Variants in AASDH observed in about 807,000 individuals in gnomAD.
AASDH encodes aminoadipate-semialdehyde dehydrogenase.
A neutral mutation model predicts 102.3 loss-of-function variants in AASDH; 81 were observed. The ratio of observed to expected loss-of-function variants is 0.79; its 90% CI spans 0.66 to 0.95. The LOEUF (loss-of-function observed/expected upper bound fraction) is 0.95. AASDH is among the 40% of genes least tolerant of loss of function. AASDH has a pLI of 0.00. For missense variants in AASDH, 1,203 were observed against 1,266.2 expected, an observed-to-expected ratio of 0.95 and a Z score of 0.76; for synonymous variants, 398 against 454.0, an observed-to-expected ratio of 0.88 and a Z score of 1.57.
chr4:56,378,138 T>C lies in AASDH; in HGVS notation c.668+10A>G, dbSNP rs749272042. 2.5e-6 allele frequency: 4 copies of C among 1,591,368 alleles called. No homozygotes were observed. The highest frequency in any genetic ancestry group is 3.4e-6 in the Non-Finnish European group (4 of 1,169,110). On this transcript the variant is annotated intron_variant, in intron 4 of 14. Transcript: ENST00000205214. ...TAGATTCTGAGAAAGAGTCAAAGAC[T>C]AGAACTTACCGAAAATGCTGGATAT... is the stretch of plus-strand genomic sequence containing the variant.
At chr4:56,383,092 T>C (rs556808153) in intron 2 of AASDH, among the ~76,000 whole-genome samples, 1 of 152,328 alleles carries the variant, frequency 6.6e-6, no homozygotes, top group African/African-American at 2.4e-5. Flanking sequence ...TGTCATTTTA[T>C]CTTTTCTTAA....
intron 4 of AASDH, 31 bp downstream of exon 4, chr4:56,378,117 T>C (rs1408131324): frequency 1.2e-5 from 18 of 1,554,392 alleles, no homozygotes; most frequent in Non-Finnish European, 1.5e-5. Context: ...AAAATATAGA[T>C]TCTGAGAAAG....
rs1404739801 is a variant in AASDH, at chr4:56,350,025, C to T, written c.1726G>A (p.Val576Ile). The change falls in exon 11 of 15, where the codon GTT (valine) becomes ATT (isoleucine). Residue 576 changes from valine (V) to isoleucine (I), a missense_variant. Val to Ile is a conservative substitution (Grantham distance 29). Transcript: ENST00000205214. ...TLNLPEDLLR[V>I]PDESLFLNSG... ...TTTAAGAAGAGTGACTCATCAGGAA[C>T]CCTCAAAAGATCTTCTGGGAGATTC... 1 of 1,601,204 alleles carries T rather than the reference C, an allele frequency of 6.2e-7. No individual in the cohort carries two copies. Among genetic ancestry groups the T allele is most frequent in the Non-Finnish European group, 8.5e-7 (1 of 1,178,466 alleles).
rs1747146291 is a variant in AASDH at position 56,338,504 on chromosome 4, T to C, written c.3195A>G (p.Gly1065=). ...GQLQSVYELP[G]EVFSSPVVLE... ...GGACCACAGGAGAAGAGAAGACTTCTCCAGGAAGTTCATAAACACTTTGCA... is the reference window on the plus strand; with the variant it reads ...GGACCACAGGAGAAGAGAAGACTTCCCCAGGAAGTTCATAAACACTTTGCA... Residue 1065 remains glycine (G), a synonymous_variant, in exon 15 of 15, where the codon GGA becomes GGG. Coordinates refer to ENST00000205214, the MANE Select transcript of AASDH (RefSeq NM_181806.4). 6.2e-7 allele frequency: 1 copy of C among 1,613,866 alleles called. No individual in the cohort carries two copies. The highest frequency in any genetic ancestry group is 1.7e-5 in the Admixed American group (1 of 59,968).
chr4:56,350,812 G>T (rs1341747235), intron 10 of AASDH, among the ~76,000 whole-genome samples: 1 of 152,004 alleles, frequency 6.6e-6, no homozygotes, highest in Non-Finnish European at 1.5e-5. Context: ...TTTTAGACAA[G>T]GCTACACAAT....
At chr4:56,340,204 A>G (rs1747495356) in intron 14 of AASDH, among the ~76,000 whole-genome samples, 1 of 152,174 alleles carries the variant, frequency 6.6e-6, no homozygotes, top group African/African-American at 2.4e-5. Context: ...ATTCATATGG[A>G]ACCAAAAAAG....
chr4:56,367,525 G>A (rs1236176976), intron 5 of AASDH, among the ~76,000 whole-genome samples: 1 of 119,638 alleles, frequency 8.4e-6, no homozygotes, highest in Non-Finnish European at 1.8e-5. Flanking sequence ...CAGAGATATA[G>A]ATCAATGGAA....
chr4:56,343,375 T>C (rs1747933245), intron 13 of AASDH, among the ~76,000 whole-genome samples, 187 bp downstream of exon 13: 1 of 151,786 alleles, frequency 6.6e-6, no homozygotes, highest in Non-Finnish European at 1.5e-5. Flanking sequence ...CATATATATA[T>C]ATATACAGGA....
rs775067055 is a variant in AASDH, at chr4:56,349,902, T to C, written c.1849A>G (p.Ser617Gly). The change falls in exon 11 of 15, where the codon AGT (serine) becomes GGT (glycine). Residue 617 changes from serine to glycine, a missense_variant. Coordinates refer to ENST00000205214, the MANE Select transcript of AASDH (RefSeq NM_181806.4). The part of the protein sequence containing the change: ...VPGLLEIILS[S>G]SILEIYNHIL... ...TGATTATAAATCTCTAAAATGGAAC[T>C]GCTGAGAATAATTTCCAGAAGCCCA... The C allele has an allele frequency of 1.2e-6, 2 of 1,614,144 alleles. No homozygotes were observed. Among genetic ancestry groups the C allele is most frequent in the Non-Finnish European group, 1.7e-6 (2 of 1,180,030 alleles).
At chr4:56,344,436 T>TG (rs1748085152) in intron 12 of AASDH, among the ~76,000 whole-genome samples, 1 of 152,176 alleles carries the variant, frequency 6.6e-6, no homozygotes, top group South Asian at 2.1e-4. Flanking sequence ...GTCTCTTCTT[T>TG]GGGGTCCTGT....
chr4:56,346,766 G>A (rs984729400), intron 11 of AASDH, among the ~76,000 whole-genome samples: 1 of 152,342 alleles, frequency 6.6e-6, no homozygotes, highest in South Asian at 2.1e-4. Flanking sequence ...GTGCTCGTCA[G>A]ACATGGTGGC....
rs1750033443 is a variant in AASDH, at chr4:56,359,425, AATT to A, written c.862-4005_862-4003del. ...CAGGCACCTGCCACCATGTGTGGCT[AATT>A]TTTTTGCATTTTTTTAGTAGAGACG... is the stretch of plus-strand genomic sequence containing the variant. On this transcript the variant is annotated intron_variant, in intron 5 of 14. Transcript: ENST00000205214. Among the ~76,000 whole-genome samples the A allele has an allele frequency of 2.0e-5, 3 of 151,336 alleles. No homozygotes were observed. In the South Asian group the frequency reaches 6.3e-4, roughly 32 times the overall value.
intron 5 of AASDH, among the ~76,000 whole-genome samples, chr4:56,360,579 C>T (rs1295542870): frequency 6.6e-6 from 1 of 152,092 alleles, no homozygotes; most frequent in Admixed American, 6.5e-5. Context: ...TCTAAGATTG[C>T]TATATGTCTT....
chr4:56,376,000 C>T (rs1180634885), intron 4 of AASDH, among the ~76,000 whole-genome samples: 1 of 150,622 alleles, frequency 6.6e-6, no homozygotes, highest in East Asian at 1.9e-4. Flanking sequence ...TCCCCACCCT[C>T]AGCCTCTAAA....
chr4:56,370,944 T>C (rs1442132698), intron 5 of AASDH, among the ~76,000 whole-genome samples: 1 of 152,208 alleles, frequency 6.6e-6, no homozygotes, highest in Admixed American at 6.5e-5. Context: ...GTACCAGTCA[T>C]ATACTTGTGT....
In AASDH at chr4:56,342,821, T is replaced by A; in HGVS notation, c.2907+14A>T. 1 of 1,284,118 alleles carries A rather than the reference T, an allele frequency of 7.8e-7. No homozygotes were observed. Among genetic ancestry groups the A allele is most frequent in the African/African-American group, 1.6e-5 (1 of 64,462 alleles). 79.5% of individuals were successfully genotyped at this position (1,284,118 alleles called of 1,614,324 possible). A position where few individuals can be genotyped will look rare whatever the true frequency, so the allele number is the denominator to read the frequency against. On this transcript the variant is annotated intron_variant, in intron 14 of 14. Transcript: ENST00000205214. ...TATAAAAATGTATATATAAAAAATT[T>A]CTAGTTCTATTACCTGTTCTCCAAA... is the stretch of plus-strand genomic sequence containing the variant.
intron 3 of AASDH, among the ~76,000 whole-genome samples, chr4:56,380,507 A>G (rs973771248): frequency 1.3e-5 from 2 of 152,166 alleles, no homozygotes; most frequent in African/African-American, 4.8e-5. Flanking sequence ...TTGAAAAATT[A>G]AAGAACTACA....
At chr4:56,365,698 T>C (rs1750909217) in intron 5 of AASDH, among the ~76,000 whole-genome samples, 1 of 151,998 alleles carries the variant, frequency 6.6e-6, no homozygotes, top group Non-Finnish European at 1.5e-5. Context: ...CATACCAGAA[T>C]CTCTGGGACG....
chr4:56,343,732 A>C, intron 12 of AASDH, 48 bp from the exon 13 acceptor site: 2 of 1,561,884 alleles, frequency 1.3e-6, no homozygotes, highest in African/African-American at 2.7e-5. Context: ...TGGTTAACAA[A>C]TCCATATAAC....
Sources: allele counts gnomAD v4.1 joint callset (sites outside exome capture counted in the v4.1 genomes callset), GRCh38; gene constraint gnomAD v4.1.1; transcripts MANE v1.5; gene names NCBI Gene and HGNC (gene_info 2026-07-23, HGNC 2026-07-21).